Variants in PARD3B observed in about 807,000 individuals in gnomAD.
PARD3B encodes the protein partitioning defective 3 homolog B.
A neutral mutation model predicts 130.2 loss-of-function variants in PARD3B; 103 were observed. The observed-to-expected ratio is 0.79, with a 90% CI of 0.67 to 0.93. PARD3B has a LOEUF of 0.93. Among genes scored for constraint, PARD3B ranks in the 40% least tolerant of loss-of-function variants. The pLI is 0.00. For missense variants in PARD3B, 1,609 were observed against 1,499.2 expected, an observed-to-expected ratio of 1.07 and a Z score of -1.21; for synonymous variants, 583 against 553.2, an observed-to-expected ratio of 1.05 and a Z score of -0.76.
intron 2 of PARD3B, among the ~76,000 whole-genome samples, chr2:204,772,463 T>A (rs934227847): frequency 1.3e-5 from 2 of 152,092 alleles, no homozygotes; most frequent in African/African-American, 4.8e-5. Flanking sequence ...AATTAACTAT[T>A]TGTGGTTGTA....
Position 205,563,324 on chromosome 2 carries a change from A to G in PARD3B, c.3260+9921A>G, listed in dbSNP as rs1182299631. Among the ~76,000 whole-genome samples the G allele has an allele frequency of 6.6e-6, 1 of 152,174 alleles. No individual in the cohort carries two copies. Among genetic ancestry groups the G allele is most frequent in the Admixed American group, 6.5e-5 (1 of 15,278 alleles). ...CTGTACGTTTTGCATGCCTTGTCTC[A>G]TTTTATCCTCACTGTCCAGCTGGCT... On this transcript the variant is annotated intron_variant, in intron 22 of 22. Coordinates refer to ENST00000406610, the MANE Select transcript of PARD3B (RefSeq NM_001302769.2). The surrounding 1 kb of genome is among the most constrained non-coding windows in gnomAD (Gnocchi z 4.2).
chr2:205,057,757 G>T (rs1198620363), intron 4 of PARD3B, among the ~76,000 whole-genome samples: 1 of 148,860 alleles, frequency 6.7e-6, no homozygotes, highest in African/African-American at 2.5e-5. Context: ...ATGTATGTGT[G>T]TATATATACA....
chr2:205,463,380 C>A lies in PARD3B; in HGVS notation c.3044+22708C>A, dbSNP rs2048516008. 6.6e-6 allele frequency among the ~76,000 whole-genome samples: 1 copy of A among 151,112 alleles called. No individual in the cohort carries two copies. Among genetic ancestry groups the A allele is most frequent in the East Asian group, 1.9e-4 (1 of 5,144 alleles). On this transcript the variant is annotated intron_variant, in intron 20 of 22. Coordinates refer to ENST00000406610, the MANE Select transcript of PARD3B (RefSeq NM_001302769.2). The surrounding 1 kb of genome is among the most constrained non-coding windows in gnomAD (Gnocchi z 4.8). ...GGCCTGGCCAGGCACTGCCTTGCGG[C>A]CCTTCCAAAGGTGGCAGAATGATGT...
chr2:205,324,594 A>G (rs923749695), intron 18 of PARD3B, among the ~76,000 whole-genome samples: 2 of 152,112 alleles, frequency 1.3e-5, no homozygotes, highest in African/African-American at 4.8e-5. Flanking sequence ...TTCCACCTAG[A>G]TCACTTCCTC....
At chr2:205,123,468 T>C (rs1423838307) in intron 8 of PARD3B, among the ~76,000 whole-genome samples, 1 of 152,028 alleles carries the variant, frequency 6.6e-6, no homozygotes, top group Non-Finnish European at 1.5e-5. Context: ...GAAGATATAC[T>C]TGGATCCAGG....
In PARD3B at chr2:204,953,401, A is replaced by G. The variant is rs184476926; in HGVS notation, c.223-11751A>G. On this transcript the variant is annotated intron_variant, in intron 2 of 22. Coordinates refer to ENST00000406610, the MANE Select transcript of PARD3B (RefSeq NM_001302769.2). ...TTATGCATTGTGAATTGACATATAT[A>G]TGTTAACATACACACACACAGAGAG... Among the ~76,000 whole-genome samples, 486 of 149,536 alleles carry G rather than the reference A, an allele frequency of 3.3e-3. 2 individuals carry two copies. The highest frequency in any genetic ancestry group is 6.1e-3 in the Admixed American group (90 of 14,768).
intron 21 of PARD3B, among the ~76,000 whole-genome samples, chr2:205,528,383 G>A (rs1227421126): frequency 6.6e-6 from 1 of 152,152 alleles, no homozygotes; most frequent in South Asian, 2.1e-4. Context: ...GGCCCAGATG[G>A]GTAACTGAGG....
At chr2:204,594,420 G>A (rs1559174699) in intron 1 of PARD3B, among the ~76,000 whole-genome samples, 1 of 152,188 alleles carries the variant, frequency 6.6e-6, no homozygotes, top group Non-Finnish European at 1.5e-5. Context: ...ATTTAGAGAA[G>A]GTGACTAGTG....
chr2:205,331,782 C>CAA lies in PARD3B; in HGVS notation c.2630+30103_2630+30104dup, dbSNP rs56654511. Reference sequence around the variant, plus strand: ...TGGGCGACAGAGTGAGACTCCGTCTCAAAAAAAAAAAAAAAAAAAAAAAGA... The same window carrying CAA: ...TGGGCGACAGAGTGAGACTCCGTCTCAAAAAAAAAAAAAAAAAAAAAAAAAGA... On this transcript the variant is annotated intron_variant, in intron 18 of 22. Transcript: ENST00000406610. 6.2e-4 allele frequency among the ~76,000 whole-genome samples: 30 copies of CAA among 48,382 alleles called. 1 individual carries two copies. The highest frequency in any genetic ancestry group is 2.2e-3 in the East Asian group (3 of 1,334). The allele number at this position is 48,382 out of a possible 152,430, so 31.7% of individuals were successfully genotyped here.
chr2:204,724,840 G>T (rs1451426406), intron 2 of PARD3B, among the ~76,000 whole-genome samples: 1 of 151,532 alleles, frequency 6.6e-6, no homozygotes, highest in Non-Finnish European at 1.5e-5. Flanking sequence ...AATAGTGGGG[G>T]GCGGGGGTGG....
intron 2 of PARD3B, among the ~76,000 whole-genome samples, chr2:204,714,883 T>C (rs922008464): frequency 2.0e-5 from 3 of 152,214 alleles, no homozygotes; most frequent in African/African-American, 7.2e-5. Context: ...TGCTATAATT[T>C]TCATTTTAAG....
rs910094669 is a variant in PARD3B, at chr2:205,563,881, C to G, written c.3260+10478C>G. ...CAGACCATGTGCATGGACCAGGTCC[C>G]CAGCCCCTAGATTGCACTCTGCACC... On this transcript the variant is annotated intron_variant, in intron 22 of 22. Coordinates refer to ENST00000406610, the MANE Select transcript of PARD3B (RefSeq NM_001302769.2). The surrounding 1 kb of genome is among the most constrained non-coding windows in gnomAD (Gnocchi z 4.2). Among the ~76,000 whole-genome samples the G allele has an allele frequency of 1.3e-5, 2 of 152,166 alleles. No individual in the cohort carries two copies. Among genetic ancestry groups the G allele is most frequent in the African/African-American group, 2.4e-5 (1 of 41,424 alleles).
At chr2:205,043,447 G>A (rs1246274790) in intron 3 of PARD3B, among the ~76,000 whole-genome samples, 1 of 152,170 alleles carries the variant, frequency 6.6e-6, no homozygotes, top group African/African-American at 2.4e-5. Context: ...CTGAGTCACA[G>A]AGCAGTGCAA....
At chr2:205,277,797 G>T (rs973234261) in intron 16 of PARD3B, among the ~76,000 whole-genome samples, 2 of 152,152 alleles carry the variant, frequency 1.3e-5, no homozygotes, top group African/African-American at 4.8e-5. Flanking sequence ...AAATCATCCC[G>T]AGGAGTTTGG....
intron 20 of PARD3B, among the ~76,000 whole-genome samples, chr2:205,484,718 A>G (rs761166210): frequency 1.6e-4 from 25 of 152,306 alleles, no homozygotes; most frequent in Non-Finnish European, 1.6e-4. Context: ...GCTTTACCTC[A>G]GTATGATATA....
chr2:204,743,875 G>T (rs1371315892), intron 2 of PARD3B, among the ~76,000 whole-genome samples: 1 of 152,046 alleles, frequency 6.6e-6, no homozygotes, highest in Non-Finnish European at 1.5e-5. Flanking sequence ...ACAAAGTAAG[G>T]ACTTCTCATT....
rs925117303 is a variant in PARD3B at position 205,407,550 on chromosome 2, G to T, written c.2741+6427G>T. 6.6e-6 allele frequency among the ~76,000 whole-genome samples: 1 copy of T among 152,118 alleles called. No individual in the cohort carries two copies. Among genetic ancestry groups the T allele is most frequent in the Non-Finnish European group, 1.5e-5 (1 of 68,022 alleles). ...TTATTCAATTCTAAGACCTAAGTTT[G>T]TAACCTTTTACAAAGTATGAAATTA... On this transcript the variant is annotated intron_variant, in intron 19 of 22. Transcript: ENST00000406610. The surrounding 1 kb of genome is among the most constrained non-coding windows in gnomAD (Gnocchi z 4.1).
intron 22 of PARD3B, among the ~76,000 whole-genome samples, chr2:205,570,886 A>G (rs145657477): frequency 3.3e-5 from 5 of 152,342 alleles, no homozygotes; most frequent in African/African-American, 9.6e-5. Flanking sequence ...ATCACAGCCA[A>G]AAGTACTATG....
At chr2:204,817,477 C>A (rs1180459484) in intron 2 of PARD3B, among the ~76,000 whole-genome samples, 1 of 152,100 alleles carries the variant, frequency 6.6e-6, no homozygotes, top group Non-Finnish European at 1.5e-5. Context: ...GTGTACTCTG[C>A]CCAGTTCTCT....
Sources: gnomAD v4.1 joint callset for allele counts (sites outside exome capture counted in the v4.1 genomes callset) on GRCh38, gnomAD v4.1.1 for gene constraint, Gnocchi (gnomAD v3.1) non-coding constraint, MANE v1.5 for transcripts, NCBI Gene and HGNC (gene_info 2026-07-23, HGNC 2026-07-21) for gene names.